The following RLN2 variants were observed in gnomAD, a reference collection of about 807,000 sequenced individuals.
RLN2 encodes relaxin 2, also known as prorelaxin H2.
Under a neutral mutation model 7.3 loss-of-function variants are expected in RLN2, and 10 were observed. That is an observed-to-expected ratio of 1.36 (90% CI 0.84 to 2.31). RLN2 has a LOEUF of 2.31. RLN2 is among the 30% of genes most tolerant of loss of function. RLN2 has a pLI of 0.00. For missense variants in RLN2, 298 were observed against 217.6 expected (o/e 1.37, Z -2.32); for synonymous variants, 103 against 82.3 (o/e 1.25, Z -1.36).
the RLN2 span, among the ~76,000 whole-genome samples, chr9:5,333,300 G>C: frequency 1.3e-5 from 2 of 150,120 alleles, no homozygotes; most frequent in African/African-American, 5.0e-5. Flanking sequence ...GAAGAAAAAG[G>C]AGAAGATTCA....
chr9:5,331,350 C>T, the RLN2 span, among the ~76,000 whole-genome samples: 12 of 152,054 alleles, frequency 7.9e-5, no homozygotes, highest in East Asian at 1.9e-4. Context: ...CAATAAATCA[C>T]GCTACTATAA....
At chr9:5,326,639 G>A in the RLN2 span, among the ~76,000 whole-genome samples, 4 of 152,128 alleles carry the variant, frequency 2.6e-5, no homozygotes, top group East Asian at 7.7e-4. Flanking sequence ...GAATGCCCAG[G>A]TCTCCACCTG....
At chr9:5,336,013 T>C in the RLN2 span, among the ~76,000 whole-genome samples, 1 of 152,094 alleles carries the variant, frequency 6.6e-6, no homozygotes, top group Non-Finnish European at 1.5e-5. Context: ...TTTCTGATAT[T>C]ACGAGTTGTA....
chr9:5,313,710 T>TA, the RLN2 span, among the ~76,000 whole-genome samples: 89,511 of 151,662 alleles, frequency 0.59, 28,663 homozygotes, highest in African/African-American at 0.83. Flanking sequence ...TGAAATCCAC[T>TA]TTTTATGACA....
chr9:5,324,026 A>G, the RLN2 span, among the ~76,000 whole-genome samples: 8 of 152,096 alleles, frequency 5.3e-5, no homozygotes, highest in South Asian at 4.2e-4. Flanking sequence ...CAGTCTGGGC[A>G]ACAGAGTAAG....
chr9:5,334,904 A>G, the RLN2 span: 40 of 177,250 alleles, frequency 2.3e-4, no homozygotes, highest in South Asian at 5.8e-3. Flanking sequence ...GTTAATATCA[A>G]TAAAAACATT....
At chr9:5,317,755 A>G in the RLN2 span, among the ~76,000 whole-genome samples, 1 of 152,020 alleles carries the variant, frequency 6.6e-6, no homozygotes, top group Non-Finnish European at 1.5e-5. Context: ...GGCAACTTGC[A>G]AAAGATGTAA....
the RLN2 span, among the ~76,000 whole-genome samples, chr9:5,336,151 A>C: frequency 6.6e-6 from 1 of 151,952 alleles, no homozygotes; most frequent in Non-Finnish European, 1.5e-5. Flanking sequence ...GGAGAAGGAA[A>C]TCTCTGATGT....
At chr9:5,335,141 A>T in the RLN2 span, 1 of 612,354 alleles carries the variant, frequency 1.6e-6, no homozygotes, top group African/African-American at 1.9e-5. Context: ...CTAAACATTA[A>T]TAAAGATTTC....
chr9:5,304,409 T>A lies in RLN2; in HGVS notation c.172A>T (p.Ser58Cys). The A allele has an allele frequency of 1.2e-6, 2 of 1,609,880 alleles. No individual in the cohort carries two copies. Among genetic ancestry groups the A allele is most frequent in the Non-Finnish European group, 1.7e-6 (2 of 1,178,678 alleles). ...GMSTWSKRSL[S>C]QEDAPQTPRP... ...GGTGTCTGAGGAGCATCTTCCTGGC[T>A]CAGAGACCTTTTGCTCCAGGTGCTC... is the stretch of plus-strand genomic sequence containing the variant. Residue 58 changes from serine to cysteine, a missense_variant, in exon 1 of 2, where the codon AGC (serine) becomes TGC (cysteine). Coordinates refer to ENST00000381627, the MANE Select transcript of RLN2 (RefSeq NM_134441.3).
chr9:5,332,925 C>G, the RLN2 span, among the ~76,000 whole-genome samples: 2 of 152,048 alleles, frequency 1.3e-5, no homozygotes, highest in South Asian at 2.1e-4. Flanking sequence ...CCATGATTCT[C>G]ATTCTTAATG....
chr9:5,328,127 A>C, the RLN2 span, among the ~76,000 whole-genome samples: 1 of 152,030 alleles, frequency 6.6e-6, no homozygotes, highest in Admixed American at 6.5e-5. Context: ...CTAAAGGAGC[A>C]TGTTCTAACC....
chr9:5,305,743 G>C (rs1419743106), upstream of RLN2, among the ~76,000 whole-genome samples: 1 of 152,008 alleles, frequency 6.6e-6, no homozygotes, highest in East Asian at 1.9e-4. Flanking sequence ...CAGGACATTA[G>C]GGTAGCTTTG....
chr9:5,316,461 G>A, the RLN2 span, among the ~76,000 whole-genome samples: 1 of 151,786 alleles, frequency 6.6e-6, no homozygotes, highest in East Asian at 1.9e-4. Flanking sequence ...CCCCTGAAAG[G>A]CCCTGTTGTG....
chr9:5,322,522 C>A, the RLN2 span, among the ~76,000 whole-genome samples: 14 of 152,044 alleles, frequency 9.2e-5, no homozygotes, highest in African/African-American at 2.2e-4. Flanking sequence ...AAGCTGTGAT[C>A]TTCCTTTTTT....
the RLN2 span, among the ~76,000 whole-genome samples, chr9:5,315,981 A>G: frequency 6.6e-6 from 1 of 152,060 alleles, no homozygotes; most frequent in Non-Finnish European, 1.5e-5. Context: ...AAAGGACACT[A>G]GTTACTAATA....
the RLN2 span, among the ~76,000 whole-genome samples, chr9:5,316,179 T>C: frequency 6.6e-6 from 1 of 152,080 alleles, no homozygotes; most frequent in Admixed American, 6.5e-5. Context: ...GAGTATATAT[T>C]TGTACATCTG....
chr9:5,317,931 G>T, the RLN2 span, among the ~76,000 whole-genome samples: 1 of 151,820 alleles, frequency 6.6e-6, no homozygotes, highest in East Asian at 1.9e-4. Flanking sequence ...TGCCAATGGG[G>T]TGGTGGGAAT....
Position 5,304,703 on chromosome 9 carries a change from C to T in RLN2, c.-123G>A, listed in dbSNP as rs1816210755. On this transcript the variant is annotated 5_prime_UTR_variant, in exon 1 of 2. Coordinates refer to ENST00000381627, the MANE Select transcript of RLN2 (RefSeq NM_134441.3). ...TTTAGGCTGCTTTCCCTACCCGGCT[C>T]AAGCGGTCTTTTGTATCCCTTGGGC... The T allele has an allele frequency of 3.0e-6, 3 of 987,474 alleles. No individual in the cohort carries two copies. Among genetic ancestry groups the T allele is most frequent in the South Asian group, 3.1e-5 (2 of 65,468 alleles). 61.2% of individuals were successfully genotyped at this position (987,474 alleles called of 1,614,324 possible). A position where few individuals can be genotyped will look rare whatever the true frequency, so the allele number is the denominator to read the frequency against.
Sources: gnomAD v4.1 joint callset for allele counts (sites outside exome capture counted in the v4.1 genomes callset) on GRCh38, gnomAD v4.1.1 for gene constraint, MANE v1.5 for transcripts, NCBI Gene and HGNC (gene_info 2026-07-23, HGNC 2026-07-21) for gene names.